RPS6KA2: variants seen among roughly 807,000 people sequenced by gnomAD.
The protein encoded by RPS6KA2 is ribosomal protein S6 kinase A2, also known as ribosomal protein S6 kinase alpha-2.
In RPS6KA2, 42 loss-of-function variants were observed where a neutral mutation model predicts 91.8. That is an observed-to-expected ratio of 0.46 (90% CI 0.36 to 0.59). RPS6KA2 has a LOEUF of 0.59. Among genes scored for constraint, RPS6KA2 ranks in the 20% least tolerant of loss-of-function variants. The pLI is 0.00. For synonymous variants in RPS6KA2, 414 were observed against 393.6 expected (o/e 1.05, Z -0.61); for missense variants, 798 against 978.5 (o/e 0.82, Z 2.46).
intron 1 of RPS6KA2, among the ~76,000 whole-genome samples, chr6:166,591,643 G>T (rs1400528782): frequency 3.3e-5 from 5 of 152,276 alleles, no homozygotes; most frequent in African/African-American, 1.2e-4. Flanking sequence ...GAAGGGGCAA[G>T]GAAGGATCCT....
rs538332926 is a variant in RPS6KA2 at position 166,701,237 on chromosome 6, C to T, written c.123+156963G>A. 12 of 1,612,190 alleles carry T rather than the reference C, an allele frequency of 7.4e-6. No individual in the cohort carries two copies. The African/African-American group carries it at 1.6e-4, about 21-fold the overall frequency. The stretch of plus-strand genomic sequence containing the variant: ...CCAGTTATTTTGACAACCACTTGGT[C>T]ATTCTCATCAGGTGTCTGGTCACAA... On this transcript the variant is annotated intron_variant, in intron 2 of 21. Transcript: ENST00000503859.
At chr6:166,484,264 G>C (rs768791376) in intron 10 of RPS6KA2, among the ~76,000 whole-genome samples, 2 of 152,192 alleles carry the variant, frequency 1.3e-5, no homozygotes, top group Non-Finnish European at 2.9e-5. Context: ...GGGGCTCTGC[G>C]TGGTCCGAGA....
At chr6:166,593,096 A>C (rs767324208) in intron 1 of RPS6KA2, among the ~76,000 whole-genome samples, 4 of 152,196 alleles carry the variant, frequency 2.6e-5, no homozygotes, top group Non-Finnish European at 5.9e-5. Context: ...CAGCAGAAAG[A>C]AGCTTTCCGA....
intron 2 of RPS6KA2, among the ~76,000 whole-genome samples, chr6:166,670,108 G>T (rs1788428939): frequency 6.6e-6 from 1 of 152,276 alleles, no homozygotes; most frequent in African/African-American, 2.4e-5. Flanking sequence ...CATTGAATAG[G>T]ATGTGGAGAA....
rs548423146 is a variant in RPS6KA2, at chr6:166,437,206, G to A, written c.1333-4716C>T. Among the ~76,000 whole-genome samples the A allele has an allele frequency of 6.6e-6, 1 of 152,274 alleles. No homozygotes were observed. Among genetic ancestry groups the A allele is most frequent in the Admixed American group, 6.5e-5 (1 of 15,300 alleles). On this transcript the variant is annotated intron_variant, in intron 14 of 20. Coordinates refer to ENST00000265678, the MANE Select transcript of RPS6KA2 (RefSeq NM_021135.6). The surrounding 1 kb of genome is among the most constrained non-coding windows in gnomAD (Gnocchi z 4.3). ...TTGGACACACTGTTTAGGAGCACCA[G>A]GGAGTGGGCCCCAAGTGCCTGCCAG...
chr6:166,538,234 C>G (rs1783542483), intron 2 of RPS6KA2, among the ~76,000 whole-genome samples: 1 of 152,190 alleles, frequency 6.6e-6, no homozygotes, highest in Non-Finnish European at 1.5e-5. Context: ...AGACCCTAGC[C>G]TTCCTGGCTC....
At chr6:166,624,100 AAAAT>A (rs1438946648) in intron 1 of RPS6KA2, among the ~76,000 whole-genome samples, 5 of 152,232 alleles carry the variant, frequency 3.3e-5, no homozygotes, top group Admixed American at 1.3e-4. Context: ...ATAAAAAATG[AAAAT>A]AAATAAAATC....
chr6:166,830,139 AAAGAAAG>A (rs766094423), intron 2 of RPS6KA2, among the ~76,000 whole-genome samples: 5 of 27,056 alleles, frequency 1.8e-4, no homozygotes, highest in South Asian at 7.8e-4. Flanking sequence ...AAAAAAAAAA[AAAGAAAG>A]AAAGAAAGAA....
rs1371564063 is a variant in RPS6KA2 at position 166,495,191 on chromosome 6, T to A, written c.747+3317A>T. On this transcript the variant is annotated intron_variant, in intron 8 of 20. Coordinates refer to ENST00000265678, the MANE Select transcript of RPS6KA2 (RefSeq NM_021135.6). The surrounding 1 kb of genome is among the most constrained non-coding windows in gnomAD (Gnocchi z 4.4). Reference sequence around the variant, plus strand: ...ATTTCTGTGCACAGAAAGAATACCGTCTTTCCTGCCCGGCTTGGAGATTGT... The same window carrying A: ...ATTTCTGTGCACAGAAAGAATACCGACTTTCCTGCCCGGCTTGGAGATTGT... 1.3e-5 allele frequency among the ~76,000 whole-genome samples: 2 copies of A among 152,196 alleles called. No homozygotes were observed. The highest frequency in any genetic ancestry group is 2.9e-5 in the Non-Finnish European group (2 of 68,034).
intron 14 of RPS6KA2, among the ~76,000 whole-genome samples, chr6:166,436,974 C>T (rs542396981): frequency 8.9e-4 from 135 of 152,250 alleles, no homozygotes; most frequent in Non-Finnish European, 7.2e-4. Context: ...GTTTCCGTCC[C>T]GGATGCTGTC....
intron 5 of RPS6KA2, 131 bp from the exon 6 acceptor site, chr6:166,504,743 C>T (rs1160641941): frequency 1.2e-5 from 7 of 603,438 alleles, no homozygotes; most frequent in South Asian, 2.0e-5. Flanking sequence ...AACGCTATGG[C>T]CCCCCAGAGT....
chr6:166,436,890 C>T (rs1339983115), intron 14 of RPS6KA2, among the ~76,000 whole-genome samples: 8 of 152,294 alleles, frequency 5.3e-5, no homozygotes, highest in East Asian at 1.9e-4. Context: ...CTCCCGCCTT[C>T]CCCTGACCCG....
In RPS6KA2 at chr6:166,732,918, C is replaced by T. The variant is rs1403826931; in HGVS notation, c.123+125282G>A. On this transcript the variant is annotated intron_variant, in intron 2 of 21. Transcript: ENST00000503859. This position sits in a 1 kb window ranked among gnomAD's most constrained non-coding sequence, Gnocchi z 4.0. ...AAGTAAGTCACAACAAAACAAAAGA[C>T]CTGAAGTGAAGCCTGCTGGCTTAGA... Among the ~76,000 whole-genome samples the T allele has an allele frequency of 4.6e-5, 7 of 152,132 alleles. No homozygotes were observed. Among genetic ancestry groups the T allele is most frequent in the Admixed American group, 4.6e-4 (7 of 15,282 alleles).
chr6:166,503,421 C>T (rs1019968554), intron 6 of RPS6KA2, among the ~76,000 whole-genome samples: 1 of 152,222 alleles, frequency 6.6e-6, no homozygotes, highest in African/African-American at 2.4e-5. Flanking sequence ...CTTGTCTTTT[C>T]TCAGTTCCAT....
intron 10 of RPS6KA2, among the ~76,000 whole-genome samples, chr6:166,487,917 A>C (rs1375141829): frequency 2.0e-5 from 3 of 152,216 alleles, no homozygotes; most frequent in Non-Finnish European, 4.4e-5. Context: ...AAATGAATGC[A>C]AAAGTTCCCT....
At chr6:166,799,283 A>C (rs1214816729) in intron 2 of RPS6KA2, among the ~76,000 whole-genome samples, 2 of 152,264 alleles carry the variant, frequency 1.3e-5, no homozygotes, top group African/African-American at 4.8e-5. Context: ...TAATTTTATA[A>C]GAGTCAATTT....
At chr6:166,486,615 C>T (rs1372460939) in intron 10 of RPS6KA2, among the ~76,000 whole-genome samples, 1 of 152,272 alleles carries the variant, frequency 6.6e-6, no homozygotes, top group African/African-American at 2.4e-5. Flanking sequence ...ACAGTCCTTT[C>T]CACAGACACC....
rs377202303 is a variant in RPS6KA2, at chr6:166,770,986, A to G, written c.123+87214T>C. The G allele has an allele frequency of 7.3e-7, 1 of 1,362,432 alleles. No homozygotes were observed. Among genetic ancestry groups the G allele is most frequent in the South Asian group, 1.2e-5 (1 of 81,474 alleles). The allele number at this position is 1,362,432 out of a possible 1,614,324, so 84.4% of individuals were successfully genotyped here. On this transcript the variant is annotated intron_variant, in intron 2 of 21. Coordinates refer to the RPS6KA2 transcript ENST00000503859. This position sits in a 1 kb window ranked among gnomAD's most constrained non-coding sequence, Gnocchi z 5.1. The stretch of plus-strand genomic sequence containing the variant: ...ATTTACAGTCAGCAACTTCATTAGC[A>G]AGGGCATTACTACCATACTCACCAG...
rs376143426 is a variant in RPS6KA2, at chr6:166,680,926, C to A, written c.124-142142G>T. Among the ~76,000 whole-genome samples the A allele has an allele frequency of 1.3e-5, 2 of 152,322 alleles. 1 individual carries two copies. The highest frequency in any genetic ancestry group is 2.9e-5 in the Non-Finnish European group (2 of 68,034). ...ATCGGAAAAGTTTCAGCCTTGCTGC[C>A]CCTCTCCTCCCATTTTTGACTCTGG... On this transcript the variant is annotated intron_variant, in intron 2 of 21. Transcript: ENST00000503859.
Sources: gnomAD v4.1 joint callset for allele counts (sites outside exome capture counted in the v4.1 genomes callset) on GRCh38, gnomAD v4.1.1 for gene constraint, Gnocchi (gnomAD v3.1) non-coding constraint, MANE v1.5 for transcripts, NCBI Gene and HGNC (gene_info 2026-07-23, HGNC 2026-07-21) for gene names.